ANXA8: variants seen among roughly 807,000 people sequenced by gnomAD.
ANXA8 encodes the protein VAC-beta.
In ANXA8, 9 loss-of-function variants were observed where a neutral mutation model predicts 26.8. The observed-to-expected ratio is 0.34, with a 90% CI of 0.20 to 0.59. ANXA8 has a LOEUF of 0.59. Among genes scored for constraint, ANXA8 ranks in the 20% least tolerant of loss-of-function variants. The probability of loss-of-function intolerance (pLI) is 0.84; values close to 1 mark genes in which losing one functional copy is unlikely to be tolerated. For missense variants in ANXA8, 83 were observed against 238.5 expected, an observed-to-expected ratio of 0.35 and a Z score of 4.29; for synonymous variants, 39 against 94.8, an observed-to-expected ratio of 0.41 and a Z score of 3.42.
At chr10:47,509,053 A>G in the ANXA8 span, among the ~76,000 whole-genome samples, 6 of 135,512 alleles carry the variant, frequency 4.4e-5, 1 homozygote, top group Non-Finnish European at 7.7e-5. Context: ...TTATTTCTCA[A>G]ACTTGCTGGT....
the ANXA8 span, among the ~76,000 whole-genome samples, chr10:47,974,855 A>G: frequency 6.7e-6 from 1 of 149,748 alleles, no homozygotes; most frequent in Admixed American, 6.7e-5. Flanking sequence ...TACAGATAGG[A>G]AGAATGTATA....
the ANXA8 span, among the ~76,000 whole-genome samples, chr10:47,953,326 A>G: frequency 6.7e-6 from 1 of 149,782 alleles, no homozygotes; most frequent in Non-Finnish European, 1.5e-5. Context: ...CAACCAATAA[A>G]CACATAAAAA....
At chr10:47,640,872 A>G in the ANXA8 span, among the ~76,000 whole-genome samples, 1 of 132,288 alleles carries the variant, frequency 7.6e-6, no homozygotes, top group Non-Finnish European at 1.5e-5. Flanking sequence ...GTTCTGAAAT[A>G]TGAAAAAGTG....
the ANXA8 span, among the ~76,000 whole-genome samples, chr10:47,495,894 T>G: frequency 6.6e-6 from 1 of 151,428 alleles, no homozygotes; most frequent in South Asian, 2.1e-4. Flanking sequence ...GAGAGGACCC[T>G]CAGAGTGAGA....
chr10:47,588,372 G>A, the ANXA8 span, among the ~76,000 whole-genome samples: 9 of 115,068 alleles, frequency 7.8e-5, no homozygotes, highest in South Asian at 2.9e-4. Flanking sequence ...AGGCTCTTCT[G>A]AATCTTCAGT....
the ANXA8 span, among the ~76,000 whole-genome samples, chr10:47,652,561 C>T: frequency 1.3e-5 from 2 of 150,852 alleles, no homozygotes; most frequent in South Asian, 2.1e-4. Flanking sequence ...CACACCACTG[C>T]CCTCCAGCCT....
the ANXA8 span, among the ~76,000 whole-genome samples, chr10:47,928,750 C>CTCT: frequency 9.7e-6 from 1 of 102,768 alleles, no homozygotes; most frequent in South Asian, 3.6e-4. Context: ...CTCTCTCTCT[C>CTCT]TTTTTTTTTT....
At chr10:47,681,428 G>A in the ANXA8 span, among the ~76,000 whole-genome samples, 1 of 150,030 alleles carries the variant, frequency 6.7e-6, no homozygotes, top group African/African-American at 2.4e-5. Flanking sequence ...GGTGGGTGGA[G>A]ATGAAAGCAA....
At chr10:47,751,181 C>T in the ANXA8 span, 1 of 151,796 alleles carries the variant, frequency 6.6e-6, no homozygotes, top group Non-Finnish European at 1.5e-5. Flanking sequence ...ACTATCACTA[C>T]TTATAGTCAG....
chr10:47,981,270 T>C, the ANXA8 span, among the ~76,000 whole-genome samples: 3 of 148,444 alleles, frequency 2.0e-5, no homozygotes, highest in African/African-American at 7.4e-5. Flanking sequence ...AAAACACTCA[T>C]AAAACTAGAA....
At chr10:47,521,442 C>T in the ANXA8 span, among the ~76,000 whole-genome samples, 1 of 140,034 alleles carries the variant, frequency 7.1e-6, no homozygotes, top group Non-Finnish European at 1.5e-5. Flanking sequence ...TACAAAGTCA[C>T]ACTCATAATG....
chr10:47,675,773 G>C, the ANXA8 span, among the ~76,000 whole-genome samples: 2 of 151,858 alleles, frequency 1.3e-5, no homozygotes, highest in South Asian at 2.1e-4. Flanking sequence ...GAAATAGTCA[G>C]TAGAAGAAGA....
the ANXA8 span, among the ~76,000 whole-genome samples, chr10:47,900,782 T>C: frequency 5.3e-5 from 7 of 131,754 alleles, no homozygotes; most frequent in African/African-American, 1.9e-4. Context: ...TAATGAAAAA[T>C]ATACTTGATT....
At chr10:47,938,751 C>A in the ANXA8 span, among the ~76,000 whole-genome samples, 7 of 149,318 alleles carry the variant, frequency 4.7e-5, no homozygotes, top group Non-Finnish European at 1.0e-4. Flanking sequence ...ACACTCAGGA[C>A]TGGGGAGTGT....
the ANXA8 span, among the ~76,000 whole-genome samples, chr10:47,680,701 A>G: frequency 6.6e-6 from 1 of 151,974 alleles, no homozygotes; most frequent in Admixed American, 6.5e-5. Flanking sequence ...TTAAAAAATA[A>G]ATTAAAAAAA....
At chr10:47,769,502 C>T in the ANXA8 span, among the ~76,000 whole-genome samples, 6 of 151,120 alleles carry the variant, frequency 4.0e-5, no homozygotes, top group South Asian at 2.1e-4. Flanking sequence ...CTTGGGACTG[C>T]GGGGACAGTG....
At chr10:47,881,853 TTGTGTCTATG>T in the ANXA8 span, among the ~76,000 whole-genome samples, 1 of 150,564 alleles carries the variant, frequency 6.6e-6, no homozygotes, top group Non-Finnish European at 1.5e-5. Context: ...TTATGGGTGT[TTGTGTCTATG>T]TGTGTGTTTG....
chr10:47,688,399 G>A, the ANXA8 span, among the ~76,000 whole-genome samples: 1 of 147,842 alleles, frequency 6.8e-6, no homozygotes, highest in South Asian at 2.2e-4. Context: ...ACCGGTGTGA[G>A]CCACCATGGC....
chr10:47,657,855 C>A, the ANXA8 span, among the ~76,000 whole-genome samples: 20 of 151,004 alleles, frequency 1.3e-4, no homozygotes, highest in East Asian at 2.7e-3. Flanking sequence ...GCAAAACCTG[C>A]CTGGGCAAAC....
Sources: allele counts gnomAD v4.1 joint callset (sites outside exome capture counted in the v4.1 genomes callset), GRCh38; gene constraint gnomAD v4.1.1; transcripts MANE v1.5; gene names NCBI Gene and HGNC (gene_info 2026-07-23, HGNC 2026-07-21).